The following TSPAN5 variants were observed in gnomAD, a reference collection of about 807,000 sequenced individuals.
TSPAN5 encodes tetraspanin-5.
A neutral mutation model predicts 37.1 loss-of-function variants in TSPAN5; 10 were observed. The observed-to-expected ratio is 0.27, with a 90% CI of 0.17 to 0.46. The LOEUF is 0.46. Ranked by LOEUF, TSPAN5 falls within the 20% of genes least tolerant of loss-of-function variation. The probability of loss-of-function intolerance (pLI) is 1.00; values close to 1 mark genes in which losing one functional copy is unlikely to be tolerated. For missense variants in TSPAN5, 195 were observed against 326.6 expected, an observed-to-expected ratio of 0.60 and a Z score of 3.11; for synonymous variants, 110 against 118.9, an observed-to-expected ratio of 0.93 and a Z score of 0.48.
At chr4:98,640,248 T>C (rs1051855507) in intron 1 of TSPAN5, among the ~76,000 whole-genome samples, 1 of 152,208 alleles carries the variant, frequency 6.6e-6, no homozygotes, top group Admixed American at 6.5e-5. Context: ...TTTTACACAT[T>C]ACAAATTTTT....
chr4:98,633,192 A>G (rs564474428), intron 1 of TSPAN5, among the ~76,000 whole-genome samples: 42 of 152,358 alleles, frequency 2.8e-4, no homozygotes, highest in African/African-American at 9.1e-4. Context: ...AGTTCCTTAT[A>G]TAACCCTAAA....
intron 1 of TSPAN5, among the ~76,000 whole-genome samples, chr4:98,588,724 A>G (rs1177800869): frequency 6.6e-6 from 1 of 152,238 alleles, no homozygotes; most frequent in Non-Finnish European, 1.5e-5. Context: ...TATCTGTCCT[A>G]AAAGAACTTC....
chr4:98,470,859 C>T lies in TSPAN5; in HGVS notation c.*1663G>A, dbSNP rs138645707. Reference sequence around the variant, plus strand: ...ACCATGGGGCTGAAATGGAAAACCTCGCTTAATTTCCACAAAGTATTCTAG... The same window carrying T: ...ACCATGGGGCTGAAATGGAAAACCTTGCTTAATTTCCACAAAGTATTCTAG... On this transcript the variant is annotated 3_prime_UTR_variant, in exon 8 of 8. Coordinates refer to ENST00000305798, the MANE Select transcript of TSPAN5 (RefSeq NM_005723.4). 3.3e-5 allele frequency: 5 copies of T among 152,348 alleles called. No individual in the cohort carries two copies. The highest frequency in any genetic ancestry group is 7.2e-5 in the African/African-American group (3 of 41,582). 9.4% of individuals were successfully genotyped at this position (152,348 alleles called of 1,614,324 possible).
At chr4:98,504,087 G>T (rs191168367) in intron 2 of TSPAN5, among the ~76,000 whole-genome samples, 12 of 152,244 alleles carry the variant, frequency 7.9e-5, no homozygotes, top group Admixed American at 3.9e-4. Flanking sequence ...ATTAAGTATG[G>T]GGTAATCATT....
intron 1 of TSPAN5, among the ~76,000 whole-genome samples, chr4:98,558,690 G>T (rs567690156): frequency 1.3e-5 from 2 of 152,222 alleles, no homozygotes; most frequent in Admixed American, 1.3e-4. Flanking sequence ...GCTTTTTCCA[G>T]TTTCTTCTTC....
chr4:98,629,449 T>C (rs556020789), intron 1 of TSPAN5, among the ~76,000 whole-genome samples: 1 of 152,330 alleles, frequency 6.6e-6, no homozygotes, highest in East Asian at 1.9e-4. Context: ...CTTGTATCAA[T>C]CGACACACTA....
chr4:98,510,957 T>G (rs1012253336), intron 1 of TSPAN5, among the ~76,000 whole-genome samples: 7 of 152,140 alleles, frequency 4.6e-5, no homozygotes, highest in African/African-American at 1.4e-4. Flanking sequence ...GAGACAGGCA[T>G]GCAATACTTG....
chr4:98,542,745 T>G (rs1416752435), intron 1 of TSPAN5, among the ~76,000 whole-genome samples: 1 of 136,666 alleles, frequency 7.3e-6, no homozygotes, highest in South Asian at 2.3e-4. Context: ...AAAAAAAGAC[T>G]CCATGAAGGC....
At chr4:98,490,569 G>A (rs576322406) in intron 2 of TSPAN5, among the ~76,000 whole-genome samples, 1 of 152,230 alleles carries the variant, frequency 6.6e-6, no homozygotes, top group African/African-American at 2.4e-5. Flanking sequence ...ATACTACAGC[G>A]TGCTGGGGGG....
intron 2 of TSPAN5, among the ~76,000 whole-genome samples, chr4:98,494,962 G>A (rs1578945343): frequency 1.3e-5 from 2 of 152,214 alleles, no homozygotes; most frequent in South Asian, 4.1e-4. Context: ...CAGAAGCCAT[G>A]AGTGGTGGAA....
intron 1 of TSPAN5, among the ~76,000 whole-genome samples, chr4:98,515,117 A>G (rs926416650): frequency 6.6e-6 from 1 of 152,208 alleles, no homozygotes; most frequent in Non-Finnish European, 1.5e-5. Context: ...GTCTGGAGGC[A>G]CAGCCACCAA....
Position 98,476,267 on chromosome 4 carries a change from A to G in TSPAN5, c.663T>C (p.Cys221=). 6.2e-7 allele frequency: 1 copy of G among 1,614,278 alleles called. No homozygotes were observed. Among genetic ancestry groups the G allele is most frequent in the Non-Finnish European group, 8.5e-7 (1 of 1,180,054 alleles). Reference sequence around the variant, plus strand: ...GCAACCACTTCTCAAACTGGGGCACACAGCCTTTCGTGTAGATTACAATCT... The same window carrying G: ...GCAACCACTTCTCAAACTGGGGCACGCAGCCTTTCGTGTAGATTACAATCT... ...DQQIVIYTKG[C]VPQFEKWLQD... Residue 221 remains cysteine (C), a synonymous_variant, in exon 7 of 8, where the codon TGT becomes TGC. Coordinates refer to ENST00000305798, the MANE Select transcript of TSPAN5 (RefSeq NM_005723.4).
chr4:98,487,768 T>C (rs1415770472), intron 2 of TSPAN5, among the ~76,000 whole-genome samples: 3 of 152,214 alleles, frequency 2.0e-5, no homozygotes, highest in African/African-American at 7.2e-5. Context: ...TCAACTCTTA[T>C]TCTTCTTCCA....
chr4:98,562,265 TA>T (rs1255391415), intron 1 of TSPAN5, among the ~76,000 whole-genome samples: 1 of 152,168 alleles, frequency 6.6e-6, no homozygotes, highest in Non-Finnish European at 1.5e-5. Context: ...AGGGGTGTGA[TA>T]CCTGGACAGG....
At chr4:98,615,956 A>C (rs1166896959) in intron 1 of TSPAN5, among the ~76,000 whole-genome samples, 3 of 152,200 alleles carry the variant, frequency 2.0e-5, no homozygotes, top group Non-Finnish European at 4.4e-5. Context: ...AAGCAGAACA[A>C]GTGAAATCAA....
chr4:98,545,535 CTTT>C (rs952473474), intron 1 of TSPAN5, among the ~76,000 whole-genome samples: 1 of 146,946 alleles, frequency 6.8e-6, no homozygotes, highest in South Asian at 2.2e-4. Context: ...ACACATAAGA[CTTT>C]TTTTTTTTTG....
chr4:98,475,064 A>G (rs1752665019), intron 7 of TSPAN5, among the ~76,000 whole-genome samples: 1 of 152,228 alleles, frequency 6.6e-6, no homozygotes, highest in Non-Finnish European at 1.5e-5. Context: ...TGATTACTAT[A>G]TAGCTTTGTA....
At chr4:98,565,588 C>T (rs865798610) in intron 1 of TSPAN5, among the ~76,000 whole-genome samples, 3 of 152,342 alleles carry the variant, frequency 2.0e-5, no homozygotes, top group Middle Eastern at 6.8e-3. Flanking sequence ...GTGGATGTGA[C>T]ACCACCTACA....
chr4:98,494,082 G>A (rs1438683328), intron 2 of TSPAN5, among the ~76,000 whole-genome samples: 7 of 152,166 alleles, frequency 4.6e-5, no homozygotes, highest in Non-Finnish European at 1.0e-4. Context: ...AGTGGTCCAT[G>A]TCTGAGGCAA....
Sources: gnomAD v4.1 joint callset for allele counts (sites outside exome capture counted in the v4.1 genomes callset) on GRCh38, gnomAD v4.1.1 for gene constraint, MANE v1.5 for transcripts, NCBI Gene and HGNC (gene_info 2026-07-23, HGNC 2026-07-21) for gene names.